The following HRH2 variants were observed in gnomAD, a reference collection of about 807,000 sequenced individuals.
The protein encoded by HRH2 is histamine receptor H2, also known as histamine H2 receptor.
Under a neutral mutation model 20.1 loss-of-function variants are expected in HRH2, and 4 were observed. The observed-to-expected ratio is 0.20, with a 90% CI of 0.10 to 0.45. The LOEUF is 0.45. HRH2 is among the 20% of genes least tolerant of loss of function. The pLI, the probability that HRH2 is intolerant of heterozygous loss-of-function variation, is 0.99. For synonymous variants in HRH2, 197 were observed against 200.7 expected (o/e 0.98, Z 0.16); for missense variants, 250 against 461.6 (o/e 0.54, Z 4.20).
chr5:175,701,959 C>A (rs1442482290), intron 2 of HRH2, among the ~76,000 whole-genome samples: 1 of 152,176 alleles, frequency 6.6e-6, no homozygotes, highest in Non-Finnish European at 1.5e-5. Flanking sequence ...GAAGATTAAA[C>A]CTACTAGAAT....
intron 1 of HRH2, among the ~76,000 whole-genome samples, chr5:175,671,424 G>T (rs1362494507): frequency 6.6e-6 from 1 of 152,180 alleles, no homozygotes; most frequent in East Asian, 1.9e-4. Context: ...TGAGGCTGGG[G>T]GAGAGAATAG....
At position 175,708,172 on chromosome 5, in the gene HRH2, G is replaced by A. The variant is rs971025915; in HGVS notation, c.*201G>A. Reference sequence around the variant, plus strand: ...GTGCTCAGCATTCCCAGACAGGCACGCAAGACTCCTCTGGGCCCGAGTGGG... The same window carrying A: ...GTGCTCAGCATTCCCAGACAGGCACACAAGACTCCTCTGGGCCCGAGTGGG... On this transcript the variant is annotated 3_prime_UTR_variant, in exon 3 of 3. Transcript: ENST00000636584. 1.3e-5 allele frequency: 5 copies of A among 387,426 alleles called. No homozygotes were observed. The highest frequency in any genetic ancestry group is 2.1e-5 in the African/African-American group (1 of 48,422). 24.0% of individuals were successfully genotyped at this position (387,426 alleles called of 1,614,324 possible).
intron 1 of HRH2, among the ~76,000 whole-genome samples, chr5:175,667,616 A>T (rs2099649984): frequency 6.6e-6 from 1 of 152,116 alleles, no homozygotes. Flanking sequence ...ACAGATTAGG[A>T]GTTCATAGTT....
At chr5:175,672,492 G>C (rs1755578912) in intron 1 of HRH2, among the ~76,000 whole-genome samples, 1 of 152,208 alleles carries the variant, frequency 6.6e-6, no homozygotes, top group Non-Finnish European at 1.5e-5. Flanking sequence ...GAGATGAATA[G>C]TGGTACCCAC....
intron 2 of HRH2, among the ~76,000 whole-genome samples, chr5:175,705,794 C>G (rs1024565190): frequency 6.6e-6 from 1 of 152,108 alleles, no homozygotes; most frequent in Non-Finnish European, 1.5e-5. Context: ...TCCCAAGTAG[C>G]TGGGACTATA....
chr5:175,696,906 T>C (rs1756608748), intron 2 of HRH2, among the ~76,000 whole-genome samples: 1 of 152,172 alleles, frequency 6.6e-6, no homozygotes, highest in African/African-American at 2.4e-5. Context: ...CAGCAGGAGC[T>C]CAGCGGATGG....
intron 2 of HRH2, among the ~76,000 whole-genome samples, chr5:175,706,268 G>A (rs769363721): frequency 2.6e-5 from 4 of 152,094 alleles, no homozygotes; most frequent in South Asian, 4.1e-4. Context: ...TTTATATAGC[G>A]TCTCTTTGGA....
chr5:175,688,327 C>T (rs1044159882), intron 2 of HRH2, among the ~76,000 whole-genome samples: 4 of 152,222 alleles, frequency 2.6e-5, no homozygotes, highest in Non-Finnish European at 5.9e-5. Context: ...AGTCCCAACC[C>T]TCTGGCCCGT....
At chr5:175,680,616 C>T (rs1755930531) in intron 1 of HRH2, among the ~76,000 whole-genome samples, 1 of 152,202 alleles carries the variant, frequency 6.6e-6, no homozygotes, top group South Asian at 2.1e-4. Flanking sequence ...GATTCTTCCT[C>T]ACAGGCAAAG....
rs1026946045 is a variant in HRH2 at position 175,693,752 on chromosome 5, T to C, written c.1076+9443T>C. Among the ~76,000 whole-genome samples, 1 of 152,190 alleles carries C rather than the reference T, an allele frequency of 6.6e-6. No individual in the cohort carries two copies. The highest frequency in any genetic ancestry group is 1.5e-5 in the Non-Finnish European group (1 of 68,032). The stretch of plus-strand genomic sequence containing the variant: ...TCCCATCTTGGTCCGGGTGCAGACA[T>C]GGCCTTAATGTCATGGTGGTAAGAG... On this transcript the variant is annotated intron_variant, in intron 2 of 2. Coordinates refer to ENST00000636584, the MANE Select transcript of HRH2 (RefSeq NM_001367711.1). The surrounding 1 kb of genome is among the most constrained non-coding windows in gnomAD (Gnocchi z 4.4).
chr5:175,707,249 C>T (rs1423323184), intron 2 of HRH2, among the ~76,000 whole-genome samples: 1 of 152,086 alleles, frequency 6.6e-6, no homozygotes, highest in South Asian at 2.1e-4. Context: ...AGAGTGACAA[C>T]CCACCTCTAT....
At chr5:175,670,971 G>A (rs1755514991) in intron 1 of HRH2, among the ~76,000 whole-genome samples, 1 of 152,236 alleles carries the variant, frequency 6.6e-6, no homozygotes, top group Non-Finnish European at 1.5e-5. Context: ...ACCCGGCAGG[G>A]GCCAACAGAG....
At chr5:175,669,216 A>G (rs1351255777) in intron 1 of HRH2, among the ~76,000 whole-genome samples, 1 of 152,054 alleles carries the variant, frequency 6.6e-6, no homozygotes, top group African/African-American at 2.4e-5. Flanking sequence ...TGAACCCCAC[A>G]TCCCCTTTTC....
At chr5:175,680,404 T>C (rs928231423) in intron 1 of HRH2, among the ~76,000 whole-genome samples, 15 of 152,212 alleles carry the variant, frequency 9.9e-5, no homozygotes, top group African/African-American at 3.1e-4. Context: ...GGCCCCCACA[T>C]ACCAAACAGT....
At chr5:175,690,850 G>A (rs1756347707) in intron 2 of HRH2, among the ~76,000 whole-genome samples, 1 of 152,218 alleles carries the variant, frequency 6.6e-6, no homozygotes, top group African/African-American at 2.4e-5. Flanking sequence ...TCATGGAACA[G>A]GTGCTCTTCT....
At chr5:175,671,939 C>T (rs753685189) in intron 1 of HRH2, among the ~76,000 whole-genome samples, 6 of 151,924 alleles carry the variant, frequency 3.9e-5, no homozygotes, top group African/African-American at 7.3e-5. Flanking sequence ...CAAGGAGAGC[C>T]GGGATGACTG....
At chr5:175,682,338 G>A (rs370021176) in intron 1 of HRH2, among the ~76,000 whole-genome samples, 3 of 152,164 alleles carry the variant, frequency 2.0e-5, no homozygotes, top group Non-Finnish European at 2.9e-5. Flanking sequence ...TCCTTTATTC[G>A]TCAGATGCTT....
At chr5:175,680,115 C>T (rs1284021846) in intron 1 of HRH2, among the ~76,000 whole-genome samples, 1 of 152,198 alleles carries the variant, frequency 6.6e-6, no homozygotes, top group Non-Finnish European at 1.5e-5. Context: ...AAACCTTCTT[C>T]CCCCTGCAGT....
intron 2 of HRH2, among the ~76,000 whole-genome samples, chr5:175,705,356 A>G (rs575887363): frequency 2.8e-4 from 42 of 152,326 alleles, no homozygotes; most frequent in African/African-American, 9.1e-4. Context: ...ATACCTATAC[A>G]CCGGGGGACA....
Sources: allele counts gnomAD v4.1 joint callset (sites outside exome capture counted in the v4.1 genomes callset), GRCh38; gene constraint gnomAD v4.1.1; non-coding constraint Gnocchi (gnomAD v3.1); transcripts MANE v1.5; gene names NCBI Gene and HGNC (gene_info 2026-07-23, HGNC 2026-07-21).